COL4A2: variants seen among roughly 807,000 people sequenced by gnomAD.
COL4A2 encodes the protein collagen alpha-2(IV) chain.
In COL4A2, 99 loss-of-function variants were observed where a neutral mutation model predicts 200.2. That is an observed-to-expected ratio of 0.49 (90% CI 0.42 to 0.58). COL4A2 has a LOEUF of 0.58. Ranked by LOEUF, COL4A2 falls within the 20% of genes least tolerant of loss-of-function variation. The pLI is 0.00. For missense variants in COL4A2, 1,950 were observed against 2,314.1 expected, an observed-to-expected ratio of 0.84 and a Z score of 3.23; for synonymous variants, 897 against 900.6, an observed-to-expected ratio of 1.00 and a Z score of 0.07.
Position 110,512,302 on chromosome 13 carries a change from A to C in COL4A2, c.*111A>C, listed in dbSNP as rs2139564967. 6 of 1,433,702 alleles carry C rather than the reference A, an allele frequency of 4.2e-6. No individual in the cohort carries two copies. The African/African-American group carries it at 4.3e-5, about 10-fold the overall frequency. The allele number at this position is 1,433,702 out of a possible 1,614,324, so 88.8% of individuals were successfully genotyped here. ...TTCTTAAAAAAAAAAAAGTCTACCA[A>C]AGGAATTTGCATCCAGCAGCAGCAC... On this transcript the variant is annotated 3_prime_UTR_variant, in exon 48 of 48. Coordinates refer to ENST00000360467, the MANE Select transcript of COL4A2 (RefSeq NM_001846.4).
chr13:110,436,927 C>G (rs1422777895), intron 13 of COL4A2, among the ~76,000 whole-genome samples: 1 of 152,154 alleles, frequency 6.6e-6, no homozygotes, highest in Non-Finnish European at 1.5e-5. Context: ...GTCCCACAGC[C>G]TTTCTAGGGC....
intron 28 of COL4A2, among the ~76,000 whole-genome samples, chr13:110,472,174 GGT>G (rs1396445657): frequency 6.8e-6 from 1 of 146,346 alleles, no homozygotes; most frequent in African/African-American, 2.5e-5. Context: ...GGAGTGCAGT[GGT>G]GCGATCTTGG....
intron 34 of COL4A2, 87 bp from the exon 35 acceptor site, chr13:110,489,358 T>C: frequency 7.8e-7 from 1 of 1,282,628 alleles, no homozygotes; most frequent in Non-Finnish European, 1.1e-6. Context: ...GTCGTTAGCA[T>C]ACTGGATAGT....
intron 3 of COL4A2, among the ~76,000 whole-genome samples, chr13:110,345,134 A>G (rs1040166386): frequency 3.3e-5 from 5 of 152,156 alleles, no homozygotes; most frequent in Admixed American, 3.3e-4. Flanking sequence ...CTTCTTCCCA[A>G]GGTGAGTGGC....
In COL4A2 at chr13:110,438,479, G is replaced by A. The variant is rs747614336; in HGVS notation, c.862-139G>A. On this transcript the variant is annotated intron_variant, in intron 14 of 47. Coordinates refer to ENST00000360467, the MANE Select transcript of COL4A2 (RefSeq NM_001846.4). The stretch of plus-strand genomic sequence containing the variant: ...TAGGACCGTGCCCTGCACTGCGCCT[G>A]AGTTGAGCATCGCCAGGCGGTCTGG... 3.9e-5 allele frequency: 45 copies of A among 1,165,480 alleles called. No homozygotes were observed. The Middle Eastern group carries it at 1.1e-3, about 28-fold the overall frequency. The allele number at this position is 1,165,480 out of a possible 1,614,324, so 72.2% of individuals were successfully genotyped here. A position where few individuals can be genotyped will look rare whatever the true frequency, so the allele number is the denominator to read the frequency against.
intron 20 of COL4A2, among the ~76,000 whole-genome samples, chr13:110,455,785 T>C (rs1470071707): frequency 1.3e-5 from 2 of 152,210 alleles, no homozygotes; most frequent in African/African-American, 4.8e-5. Context: ...ACTTGCAAAC[T>C]CCCGTGCTCT....
chr13:110,446,985 T>C (rs1881351426), intron 18 of COL4A2, 121 bp downstream of exon 18: 3 of 587,900 alleles, frequency 5.1e-6, no homozygotes, highest in Non-Finnish European at 7.6e-6. Flanking sequence ...TAAAGTATAA[T>C]AATAATAAAA....
intron 3 of COL4A2, among the ~76,000 whole-genome samples, chr13:110,314,540 G>A (rs375509979): frequency 5.9e-5 from 9 of 152,172 alleles, no homozygotes; most frequent in Admixed American, 2.0e-4. Flanking sequence ...TTGTGAAGAC[G>A]GGGAGGTTTC....
intron 27 of COL4A2, among the ~76,000 whole-genome samples, chr13:110,467,760 A>G (rs770290790): frequency 6.6e-6 from 1 of 152,218 alleles, no homozygotes. Flanking sequence ...CGGGGAACAC[A>G]GAGCCAGGGC....
chr13:110,324,361 G>A (rs151088308), intron 3 of COL4A2, among the ~76,000 whole-genome samples: 288 of 152,310 alleles, frequency 1.9e-3, no homozygotes, highest in African/African-American at 6.3e-3. Context: ...AACTGGACTC[G>A]CTCCTTCTTG....
At chr13:110,467,745 A>G (rs1882303341) in intron 27 of COL4A2, among the ~76,000 whole-genome samples, 1 of 152,140 alleles carries the variant, frequency 6.6e-6, no homozygotes, top group South Asian at 2.1e-4. Flanking sequence ...TGGGCCTGTG[A>G]GCATCGGGGA....
chr13:110,328,109 T>A (rs1287480603), intron 3 of COL4A2, among the ~76,000 whole-genome samples: 1 of 152,212 alleles, frequency 6.6e-6, no homozygotes, highest in Non-Finnish European at 1.5e-5. Flanking sequence ...ATTAATAGTC[T>A]GGAAAAGTTG....
intron 3 of COL4A2, among the ~76,000 whole-genome samples, chr13:110,329,194 C>T (rs1016860478): frequency 7.9e-5 from 12 of 152,140 alleles, no homozygotes; most frequent in African/African-American, 2.2e-4. Context: ...TTGGGGTATT[C>T]GATTTTTTAA....
chr13:110,458,287 C>A, intron 21 of COL4A2: 1 of 376,358 alleles, frequency 2.7e-6, no homozygotes. Flanking sequence ...CTGGGTTCAG[C>A]TGTGGCAAAA....
intron 4 of COL4A2, among the ~76,000 whole-genome samples, chr13:110,398,201 TG>T (rs1250421663): frequency 1.3e-5 from 2 of 151,808 alleles, no homozygotes; most frequent in Non-Finnish European, 2.9e-5. Flanking sequence ...TTCCTTTAGG[TG>T]GGGGGAAGAT....
chr13:110,329,121 A>G (rs1233092000), intron 3 of COL4A2, among the ~76,000 whole-genome samples: 1 of 152,240 alleles, frequency 6.6e-6, no homozygotes, highest in Non-Finnish European at 1.5e-5. Flanking sequence ...GCTAATCTGA[A>G]TAAAATGAAG....
At chr13:110,458,718 G>T in intron 21 of COL4A2, 53 bp from the exon 22 acceptor site, 1 of 1,608,566 alleles carries the variant, frequency 6.2e-7, no homozygotes, top group Non-Finnish European at 8.5e-7. Flanking sequence ...CCCTCTCCCC[G>T]CCACGCTAAG....
chr13:110,390,106 C>T (rs543747692), intron 4 of COL4A2, among the ~76,000 whole-genome samples: 1 of 152,300 alleles, frequency 6.6e-6, no homozygotes, highest in Non-Finnish European at 1.5e-5. Flanking sequence ...ATGTATTGAG[C>T]CTGCTCTGGG....
In COL4A2 at chr13:110,432,319, G is replaced by C; in HGVS notation, c.649-6G>C. Reference sequence around the variant, plus strand: ...ACCATTTACACATTTCTTTGTATTTGTACAGGGACCACCTGGACCCCCTGG... The same window carrying C: ...ACCATTTACACATTTCTTTGTATTTCTACAGGGACCACCTGGACCCCCTGG... On this transcript the variant is annotated splice_polypyrimidine_tract_variant and splice_region_variant and intron_variant, in intron 10 of 47. Transcript: ENST00000360467. The C allele has an allele frequency of 6.2e-7, 1 of 1,608,406 alleles. No homozygotes were observed. The highest frequency in any genetic ancestry group is 2.2e-5 in the East Asian group (1 of 44,664).
Sources: allele counts gnomAD v4.1 joint callset (sites outside exome capture counted in the v4.1 genomes callset), GRCh38; gene constraint gnomAD v4.1.1; transcripts MANE v1.5; gene names NCBI Gene and HGNC (gene_info 2026-07-23, HGNC 2026-07-21).